The following ST8SIA2 variants were observed in gnomAD, a reference collection of about 807,000 sequenced individuals.
ST8SIA2 encodes the protein alpha-2,8-sialyltransferase 8B.
In ST8SIA2, 22 loss-of-function variants were observed where a neutral mutation model predicts 37.6. The observed-to-expected ratio is 0.58, with a 90% CI of 0.42 to 0.83. The LOEUF is 0.83. Ranked by LOEUF, ST8SIA2 falls within the 40% of genes least tolerant of loss-of-function variation. The pLI, the probability that ST8SIA2 is intolerant of heterozygous loss-of-function variation, is 0.00. For synonymous variants in ST8SIA2, 205 were observed against 201.2 expected, an observed-to-expected ratio of 1.02 and a Z score of -0.16; for missense variants, 382 against 484.7, an observed-to-expected ratio of 0.79 and a Z score of 1.99.
intron 1 of ST8SIA2, chr15:92,421,151 T>G (rs534190709): frequency 1.3e-5 from 2 of 152,218 alleles, no homozygotes; most frequent in South Asian, 4.1e-4. Context: ...AATCCAAAAG[T>G]ATCTAGCCAA....
intron 3 of ST8SIA2, among the ~76,000 whole-genome samples, chr15:92,435,559 T>C (rs7180785): frequency 0.63 from 94,712 of 151,494 alleles, 31,015 homozygotes; most frequent in African/African-American, 0.83. Flanking sequence ...GAGCAGGGAG[T>C]TGCCCCCTCC....
In ST8SIA2 at chr15:92,464,506, T is replaced by C; in HGVS notation, c.*121T>C. 9.2e-7 allele frequency: 1 copy of C among 1,083,324 alleles called. No individual in the cohort carries two copies. Among genetic ancestry groups the C allele is most frequent in the Non-Finnish European group, 1.4e-6 (1 of 709,228 alleles). The allele number at this position is 1,083,324 out of a possible 1,614,324, so 67.1% of individuals were successfully genotyped here. A position where few individuals can be genotyped will look rare whatever the true frequency, so the allele number is the denominator to read the frequency against. ...GCTAGTGGTTTTCTTTGTTAAAGTGTAAAACAGTGACCAGAATATATATAT... is the reference window on the plus strand; with the variant it reads ...GCTAGTGGTTTTCTTTGTTAAAGTGCAAAACAGTGACCAGAATATATATAT... On this transcript the variant is annotated 3_prime_UTR_variant, in exon 6 of 6. Coordinates refer to ENST00000268164, the MANE Select transcript of ST8SIA2 (RefSeq NM_006011.4).
At chr15:92,443,453 G>A (rs928916924) in intron 4 of ST8SIA2, among the ~76,000 whole-genome samples, 1 of 152,184 alleles carries the variant, frequency 6.6e-6, no homozygotes, top group East Asian at 1.9e-4. Flanking sequence ...GTTTGCAGTG[G>A]CCTCTTAGTT....
At chr15:92,425,540 C>G (rs560441374) in intron 1 of ST8SIA2, among the ~76,000 whole-genome samples, 19 of 152,234 alleles carry the variant, frequency 1.2e-4, no homozygotes, top group Non-Finnish European at 2.4e-4. Flanking sequence ...ATGTCAAGGC[C>G]AACAGATGAA....
chr15:92,397,192 A>G (rs2049438211), intron 1 of ST8SIA2, among the ~76,000 whole-genome samples: 1 of 152,220 alleles, frequency 6.6e-6, no homozygotes, highest in Non-Finnish European at 1.5e-5. Context: ...AATTTTAAAA[A>G]GTGAAAGAAG....
At chr15:92,416,605 T>C (rs1179841396) in intron 1 of ST8SIA2, among the ~76,000 whole-genome samples, 1 of 152,130 alleles carries the variant, frequency 6.6e-6, no homozygotes, top group Non-Finnish European at 1.5e-5. Context: ...TTCAGGGTCA[T>C]GCTCAGGTCA....
Position 92,393,967 on chromosome 15 carries a change from T to TGCGCGCG in ST8SIA2, c.-89_-83dup, listed in dbSNP as rs1167293070. 2.7e-6 allele frequency: 2 copies of TGCGCGCG among 753,492 alleles called. No individual in the cohort carries two copies. The highest frequency in any genetic ancestry group is 4.7e-5 in the East Asian group (1 of 21,090). The allele number at this position is 753,492 out of a possible 1,614,324, so 46.7% of individuals were successfully genotyped here. A position where few individuals can be genotyped will look rare whatever the true frequency, so the allele number is the denominator to read the frequency against. On this transcript the variant is annotated 5_prime_UTR_variant, in exon 1 of 6. Coordinates refer to ENST00000268164, the MANE Select transcript of ST8SIA2 (RefSeq NM_006011.4). Reference sequence around the variant, plus strand: ...CCGGAGCGCAGGGTGTCTGCCCAGCTGCGCGCGGCGCGCGGAGGCTCCGGC... The same window carrying TGCGCGCG: ...CCGGAGCGCAGGGTGTCTGCCCAGCTGCGCGCGGCGCGCGGCGCGCGGAGGCTCCGGC...
intron 5 of ST8SIA2, among the ~76,000 whole-genome samples, chr15:92,453,402 C>G (rs1160611847): frequency 1.3e-5 from 2 of 152,184 alleles, no homozygotes; most frequent in Non-Finnish European, 2.9e-5. Flanking sequence ...TATTTGGGGT[C>G]TCAGAATTAG....
At chr15:92,437,718 C>T (rs1233340343) in intron 3 of ST8SIA2, among the ~76,000 whole-genome samples, 1 of 152,106 alleles carries the variant, frequency 6.6e-6, no homozygotes, top group Non-Finnish European at 1.5e-5. Context: ...TTGCAATGTG[C>T]CCAGAGAAAC....
At chr15:92,395,579 A>G (rs1406538307) in intron 1 of ST8SIA2, among the ~76,000 whole-genome samples, 2 of 152,184 alleles carry the variant, frequency 1.3e-5, no homozygotes, top group Admixed American at 1.3e-4. Flanking sequence ...AAACTTTCAC[A>G]AATGCTGCGC....
At chr15:92,412,292 G>T (rs2049555358) in intron 1 of ST8SIA2, among the ~76,000 whole-genome samples, 1 of 151,324 alleles carries the variant, frequency 6.6e-6, no homozygotes, top group African/African-American at 2.4e-5. Context: ...AGGGGGGAGA[G>T]GTTCAATGAT....
chr15:92,445,387 T>C (rs970348808), intron 5 of ST8SIA2, among the ~76,000 whole-genome samples: 2 of 152,182 alleles, frequency 1.3e-5, no homozygotes, highest in Non-Finnish European at 2.9e-5. Flanking sequence ...ATGGTAACAT[T>C]GGAGGATGTG....
chr15:92,422,887 C>T (rs886651906), intron 1 of ST8SIA2, among the ~76,000 whole-genome samples: 3 of 152,346 alleles, frequency 2.0e-5, no homozygotes, highest in South Asian at 2.1e-4. Flanking sequence ...ACTCTAGACA[C>T]TACCACTTTG....
At chr15:92,449,748 A>C (rs1479802103) in intron 5 of ST8SIA2, among the ~76,000 whole-genome samples, 1 of 152,142 alleles carries the variant, frequency 6.6e-6, no homozygotes, top group Non-Finnish European at 1.5e-5. Context: ...TTCTCTGATG[A>C]TTCATGGTGA....
intron 5 of ST8SIA2, among the ~76,000 whole-genome samples, chr15:92,458,291 G>A (rs11852344): frequency 0.22 from 33,432 of 152,036 alleles, 4,270 homozygotes; most frequent in East Asian, 0.47. Context: ...AGGGGAAGAA[G>A]AAGTGGGAGA....
chr15:92,402,247 G>T (rs58052176), intron 1 of ST8SIA2, among the ~76,000 whole-genome samples: 1 of 152,308 alleles, frequency 6.6e-6, no homozygotes, highest in East Asian at 1.9e-4. Context: ...CCCCATGGAG[G>T]CTGATGCCAG....
chr15:92,416,634 C>T (rs1027027437), intron 1 of ST8SIA2, among the ~76,000 whole-genome samples: 5 of 152,214 alleles, frequency 3.3e-5, no homozygotes, highest in South Asian at 2.1e-4. Flanking sequence ...GCAGAGAGAA[C>T]GTGCCGTTGG....
At position 92,419,935 on chromosome 15, in the gene ST8SIA2, G is replaced by T. The variant is rs192351086; in HGVS notation, c.99-10114G>T. On this transcript the variant is annotated intron_variant, in intron 1 of 5. Transcript: ENST00000268164. ...GGCTGGAGTGCAGTGGCGCGATCTC[G>T]GCTCACTGCAACCTCCGCCTCCTGA... Among the ~76,000 whole-genome samples, 730 of 152,242 alleles carry T rather than the reference G, an allele frequency of 4.8e-3. 4 individuals carry two copies. Among genetic ancestry groups the T allele is most frequent in the Middle Eastern group, 0.027 (8 of 294 alleles).
chr15:92,421,341 T>G (rs2049632291), intron 1 of ST8SIA2: 1 of 152,182 alleles, frequency 6.6e-6, no homozygotes, highest in Non-Finnish European at 1.5e-5. Flanking sequence ...GTGTTTTGCT[T>G]TTCACATCGT....
Sources: gnomAD v4.1 joint callset for allele counts (sites outside exome capture counted in the v4.1 genomes callset) on GRCh38, gnomAD v4.1.1 for gene constraint, MANE v1.5 for transcripts, NCBI Gene and HGNC (gene_info 2026-07-23, HGNC 2026-07-21) for gene names.